EPS8L3: variants seen among roughly 807,000 people sequenced by gnomAD.
The protein encoded by EPS8L3 is EPS8 signaling adaptor L3.
Under a neutral mutation model 88.5 loss-of-function variants are expected in EPS8L3, and 80 were observed. The ratio of observed to expected loss-of-function variants is 0.90; its 90% CI spans 0.75 to 1.09. The LOEUF (loss-of-function observed/expected upper bound fraction) is 1.09, where lower values mean the gene tolerates loss of function less well. EPS8L3 is among the 50% of genes least tolerant of loss of function. The pLI is 0.00. For synonymous variants in EPS8L3, 286 were observed against 291.0 expected (o/e 0.98, Z 0.18); for missense variants, 721 against 735.2 (o/e 0.98, Z 0.22).
intron 12 of EPS8L3, among the ~76,000 whole-genome samples, chr1:109,754,815 G>A (rs887969504): frequency 3.9e-5 from 6 of 152,156 alleles, no homozygotes; most frequent in Non-Finnish European, 8.8e-5. Flanking sequence ...ACAGACAGTG[G>A]GAGCCCAGCA....
In EPS8L3 at chr1:109,752,922, C is replaced by T. The variant is rs188276991; in HGVS notation, c.1200+195G>A. The stretch of plus-strand genomic sequence containing the variant: ...TGGAGATGGGGCCTCAGAAATTGAG[C>T]CTATGTCCCAGCCCTGAGAGTCCCC... On this transcript the variant is annotated intron_variant, in intron 13 of 18. Transcript: ENST00000361965. Among the ~76,000 whole-genome samples, 108 of 152,296 alleles carry T rather than the reference C, an allele frequency of 7.1e-4. 1 individual carries two copies. In the Middle Eastern group the frequency reaches 0.02, roughly 29 times the overall value.
rs1445733767 is a variant in EPS8L3 at position 109,757,028 on chromosome 1, C to G, written c.1107G>C (p.Trp369Cys). ...TTGTCTTCACTCACCGGCTAGTGGT[C>G]CAGGCTGGGCCCAACCCCATCCAAA... ...SNLWMGLGPA[W>C]TTSRADWTGD... The change falls in exon 12 of 19, where the codon TGG (tryptophan) becomes TGC (cysteine). Residue 369 changes from tryptophan to cysteine, a missense_variant. Coordinates refer to ENST00000361965, the MANE Select transcript of EPS8L3 (RefSeq NM_133181.4). 1 of 1,614,208 alleles carries G rather than the reference C, an allele frequency of 6.2e-7. No individual in the cohort carries two copies.
intron 6 of EPS8L3, 64 bp downstream of exon 6, chr1:109,758,998 C>A: frequency 1.3e-6 from 2 of 1,510,268 alleles, no homozygotes; most frequent in South Asian, 2.4e-5. Flanking sequence ...GATATGGGGT[C>A]AGGGTCTGGC....
chr1:109,762,964 C>T (rs1304476900), intron 1 of EPS8L3, among the ~76,000 whole-genome samples: 2 of 152,136 alleles, frequency 1.3e-5, no homozygotes, highest in East Asian at 3.9e-4. Flanking sequence ...TGGTGTTAGT[C>T]TGTGCGGGTC....
At position 109,750,640 on chromosome 1, in the gene EPS8L3, G is replaced by C. The variant is rs757452706; in HGVS notation, c.1770+20C>G. 2 of 1,614,006 alleles carry C rather than the reference G, an allele frequency of 1.2e-6. No individual in the cohort carries two copies. The highest frequency in any genetic ancestry group is 2.2e-5 in the South Asian group (2 of 91,068). On this transcript the variant is annotated intron_variant, in intron 18 of 18. Coordinates refer to ENST00000361965, the MANE Select transcript of EPS8L3 (RefSeq NM_133181.4). ...CACCAGACACTCCCAATGGTTGTCA[G>C]GACCCCAGGGTGTCCTCACCCCCAG...
rs1650699620 is a variant in EPS8L3 at position 109,759,662 on chromosome 1, T to C, written c.255+16A>G. 20 of 1,612,056 alleles carry C rather than the reference T, an allele frequency of 1.2e-5. No individual in the cohort carries two copies. The highest frequency in any genetic ancestry group is 1.6e-5 in the Non-Finnish European group (19 of 1,179,508). On this transcript the variant is annotated intron_variant, in intron 4 of 18. Transcript: ENST00000361965. The surrounding 1 kb of genome is among the most constrained non-coding windows in gnomAD (Gnocchi z 4.2). The stretch of plus-strand genomic sequence containing the variant: ...AGCCCAGGCTGGCTATCACTGGGTT[T>C]GCTGGGAAGGCTGACCTTGGTCTCA...
chr1:109,750,710 C>A lies in EPS8L3; in HGVS notation c.1720G>T (p.Glu574Ter). 6.2e-7 allele frequency: 1 copy of A among 1,614,188 alleles called. No homozygotes were observed. Among genetic ancestry groups the A allele is most frequent in the South Asian group, 1.1e-5 (1 of 91,074 alleles). ...PGELQMLCPQ[E>*]APRILSRLEA... ...AGCCGGGACAGGATTCGTGGGGCCT[C>A]CTGTGGACATAGCATCTGTAGCTCC... Residue 574 changes from glutamate to a stop codon, truncating the protein, a stop_gained, in exon 18 of 19, where the codon GAG (glutamate) becomes TAG (stop). Transcript: ENST00000361965. LOFTEE classifies it high-confidence loss of function.
chr1:109,757,375 C>A lies in EPS8L3; in HGVS notation c.969+106G>T. On this transcript the variant is annotated intron_variant, in intron 11 of 18. Transcript: ENST00000361965. ...TCTGACCCCAGCTCATCTGGTTCCACCCTGGCCCCTGCTCCCCCATCCCCC... is the reference window on the plus strand; with the variant it reads ...TCTGACCCCAGCTCATCTGGTTCCAACCTGGCCCCTGCTCCCCCATCCCCC... 3.3e-6 allele frequency: 4 copies of A among 1,219,210 alleles called. No homozygotes were observed. In the South Asian group the frequency reaches 4.1e-5, roughly 12 times the overall value. 75.5% of individuals were successfully genotyped at this position (1,219,210 alleles called of 1,614,324 possible). A position where few individuals can be genotyped will look rare whatever the true frequency, so the allele number is the denominator to read the frequency against.
intron 6 of EPS8L3, 66 bp downstream of exon 6, chr1:109,758,996 G>C: frequency 6.6e-7 from 1 of 1,505,116 alleles, no homozygotes; most frequent in Non-Finnish European, 9.0e-7. Context: ...AAGATATGGG[G>C]TCAGGGTCTG....
chr1:109,757,355 C>T (rs1650386043), intron 11 of EPS8L3, 126 bp downstream of exon 11: 3 of 1,157,656 alleles, frequency 2.6e-6, no homozygotes, highest in Non-Finnish European at 2.5e-6. Context: ...TTGGCTCTGA[C>T]CCCAGCTCAT....
chr1:109,752,281 G>A (rs950497278), intron 14 of EPS8L3, 88 bp from the exon 15 acceptor site: 12 of 1,307,196 alleles, frequency 9.2e-6, no homozygotes, highest in East Asian at 2.3e-5. Flanking sequence ...AGGTATCTCC[G>A]GCCTGCAGTC....
chr1:109,754,738 T>C (rs1036141904), intron 12 of EPS8L3, among the ~76,000 whole-genome samples: 1 of 152,202 alleles, frequency 6.6e-6, no homozygotes, highest in Non-Finnish European at 1.5e-5. Context: ...GCCCTCTTGT[T>C]TGAGTCTATT....
chr1:109,757,188 C>A, intron 11 of EPS8L3, 23 bp from the exon 12 acceptor site: 2 of 1,583,586 alleles, frequency 1.3e-6, no homozygotes, highest in South Asian at 2.3e-5. Context: ...TGGAAGGTGT[C>A]AGGAAGCCTA....
chr1:109,757,377 C>G lies in EPS8L3; in HGVS notation c.969+104G>C, dbSNP rs2101472350. Reference sequence around the variant, plus strand: ...TGACCCCAGCTCATCTGGTTCCACCCTGGCCCCTGCTCCCCCATCCCCCTC... The same window carrying G: ...TGACCCCAGCTCATCTGGTTCCACCGTGGCCCCTGCTCCCCCATCCCCCTC... On this transcript the variant is annotated intron_variant, in intron 11 of 18. Transcript: ENST00000361965. The G allele has an allele frequency of 4.1e-6, 5 of 1,229,762 alleles. No individual in the cohort carries two copies. In the Middle Eastern group the frequency reaches 5.7e-4, roughly 141 times the overall value. The allele number at this position is 1,229,762 out of a possible 1,614,324, so 76.2% of individuals were successfully genotyped here.
At chr1:109,751,253 A>G (rs749644525) in intron 17 of EPS8L3, 25 bp downstream of exon 17, 13 of 1,610,122 alleles carry the variant, frequency 8.1e-6, no homozygotes, top group South Asian at 7.7e-5. Context: ...TTCTCCCTCC[A>G]TATCCTGTAG....
intron 16 of EPS8L3, 63 bp downstream of exon 16, chr1:109,751,591 T>A: frequency 5.6e-6 from 9 of 1,609,568 alleles, no homozygotes; most frequent in Non-Finnish European, 7.6e-6. Flanking sequence ...TGCCACTGAA[T>A]CCTCCCCACC....
chr1:109,752,861 A>G lies in EPS8L3; in HGVS notation c.1201-141T>C, dbSNP rs571810611. ...CTTTCCTGCCTCCCCCAGTTTACAG[A>G]TACAGGTACCCACATGCACCCACCC... On this transcript the variant is annotated intron_variant, in intron 13 of 18. Transcript: ENST00000361965. 110 of 820,122 alleles carry G rather than the reference A, an allele frequency of 1.3e-4. No homozygotes were observed. The African/African-American group carries it at 1.8e-3, about 13-fold the overall frequency. The allele number at this position is 820,122 out of a possible 1,614,324, so 50.8% of individuals were successfully genotyped here. A position where few individuals can be genotyped will look rare whatever the true frequency, so the allele number is the denominator to read the frequency against.
chr1:109,751,474 G>T, intron 16 of EPS8L3, 123 bp from the exon 17 acceptor site: 1 of 1,355,292 alleles, frequency 7.4e-7, no homozygotes, highest in Non-Finnish European at 1.0e-6. Flanking sequence ...TGGCTTTCTG[G>T]TCTGGCAGGG....
At chr1:109,750,590 A>G (rs761364887) in intron 18 of EPS8L3, 70 bp downstream of exon 18, 10 of 1,606,494 alleles carry the variant, frequency 6.2e-6, no homozygotes, top group Non-Finnish European at 8.5e-6. Context: ...GGCTTTTCCA[A>G]CTGGCCCTCT....
Sources: allele counts gnomAD v4.1 joint callset (sites outside exome capture counted in the v4.1 genomes callset), GRCh38; gene constraint gnomAD v4.1.1; non-coding constraint Gnocchi (gnomAD v3.1); transcripts MANE v1.5; gene names NCBI Gene and HGNC (gene_info 2026-07-23, HGNC 2026-07-21).